The following AKR7A3 variants were observed in gnomAD, a reference collection of about 807,000 sequenced individuals.
AKR7A3 encodes the protein aldo-keto reductase family 7 member A3, also known as AFB1 aldehyde reductase 2.
Under a neutral mutation model 32.5 loss-of-function variants are expected in AKR7A3, and 37 were observed. The observed-to-expected ratio is 1.14, with a 90% CI of 0.88 to 1.50. AKR7A3 has a LOEUF of 1.50. AKR7A3 is among the 40% of genes most tolerant of loss of function. The pLI is 0.00. For synonymous variants in AKR7A3, 177 were observed against 188.4 expected, an observed-to-expected ratio of 0.94 and a Z score of 0.50; for missense variants, 412 against 453.2, an observed-to-expected ratio of 0.91 and a Z score of 0.83.
chr1:19,283,875 T>G, intron 6 of AKR7A3, 121 bp downstream of exon 6: 4 of 1,482,156 alleles, frequency 2.7e-6, no homozygotes, highest in Admixed American at 2.2e-5. Flanking sequence ...AGAATGTTTG[T>G]GAGAGTTGAA....
the AKR7A3 span, among the ~76,000 whole-genome samples, chr1:19,275,906 T>C: frequency 6.6e-6 from 1 of 151,908 alleles, no homozygotes; most frequent in Non-Finnish European, 1.5e-5. Flanking sequence ...ATCGTCAATG[T>C]ATATGCAAAT....
chr1:19,282,392 G>A (rs1211150657), downstream of AKR7A3, among the ~76,000 whole-genome samples: 33 of 151,612 alleles, frequency 2.2e-4, no homozygotes, highest in Admixed American at 1.4e-3. Context: ...ACACGCTGGC[G>A]CCGCTTCCCC....
At chr1:19,284,155 C>G in intron 5 of AKR7A3, 30 bp from the exon 6 acceptor site, 1 of 1,592,576 alleles carries the variant, frequency 6.3e-7, no homozygotes, top group Non-Finnish European at 8.6e-7. Flanking sequence ...GCACAGGTGT[C>G]AGGGCCACAT....
At chr1:19,285,462 C>T (rs932676003) in intron 3 of AKR7A3, among the ~76,000 whole-genome samples, 8 of 151,684 alleles carry the variant, frequency 5.3e-5, no homozygotes, top group African/African-American at 1.7e-4. Flanking sequence ...TGACCAGTGC[C>T]TGGCACCAAG....
downstream of AKR7A3, among the ~76,000 whole-genome samples, chr1:19,279,604 C>G (rs2151980191): frequency 6.6e-6 from 1 of 152,044 alleles, no homozygotes; most frequent in South Asian, 2.1e-4. Flanking sequence ...TGTCTTACTA[C>G]TCCCATCCTA....
intron 3 of AKR7A3, 60 bp from the exon 4 acceptor site, chr1:19,285,174 T>C: frequency 2.6e-6 from 4 of 1,519,488 alleles, no homozygotes; most frequent in Non-Finnish European, 2.7e-6. Flanking sequence ...GACTTCAAAA[T>C]TACCCTTCCA....
intron 4 of AKR7A3, 36 bp from the exon 5 acceptor site, chr1:19,284,821 G>GT: frequency 4.4e-6 from 7 of 1,607,994 alleles, no homozygotes; most frequent in Non-Finnish European, 5.1e-6. Flanking sequence ...GGGGCCTAGA[G>GT]TGCCCCAGAA....
downstream of AKR7A3, among the ~76,000 whole-genome samples, chr1:19,277,591 G>T (rs180967778): frequency 6.6e-6 from 1 of 151,510 alleles, no homozygotes; most frequent in African/African-American, 2.4e-5. Flanking sequence ...GTGCGATCTC[G>T]GCTCACTGCA....
At chr1:19,279,832 G>A (rs1381909511), downstream of AKR7A3, among the ~76,000 whole-genome samples, 3 of 151,746 alleles carry the variant, frequency 2.0e-5, no homozygotes, top group African/African-American at 4.9e-5. Context: ...TCCAACCCAC[G>A]ACCCGCAGGC....
At chr1:19,285,251 G>C (rs1242247062) in intron 3 of AKR7A3, 137 bp from the exon 4 acceptor site, 5 of 819,738 alleles carry the variant, frequency 6.1e-6, no homozygotes, top group Non-Finnish European at 9.7e-6. Context: ...TATTCTAACT[G>C]GTGCTGGTGA....
intron 4 of AKR7A3, 59 bp downstream of exon 4, chr1:19,284,959 G>A: frequency 1.9e-6 from 3 of 1,608,708 alleles, no homozygotes; most frequent in Non-Finnish European, 2.5e-6. Context: ...CCCAGGTCCT[G>A]GGCTGGGCAT....
At position 19,285,961 on chromosome 1, in the gene AKR7A3, T is replaced by C. The variant is rs746417833; in HGVS notation, c.434A>G (p.Tyr145Cys). The change falls in exon 3 of 7, where the codon TAT becomes TGT. Residue 145 changes from tyrosine (Y) to cysteine (C), a missense_variant. Transcript: ENST00000361640. The part of the protein sequence containing the change: ...GKFVELGLSN[Y>C]AAWEVAEICT... ...GATCTCGGCCACTTCCCAGGCTGCA[T>C]AGTTGGAGAGGCCAAGCTCCACGAA... The C allele has an allele frequency of 5.0e-6, 8 of 1,612,636 alleles. No homozygotes were observed. The Admixed American group carries it at 8.3e-5, about 17-fold the overall frequency.
At chr1:19,277,473 C>A in the AKR7A3 span, among the ~76,000 whole-genome samples, 10 of 151,614 alleles carry the variant, frequency 6.6e-5, no homozygotes, top group Non-Finnish European at 1.5e-4. Context: ...TTTATAGCAC[C>A]ACTTTGACAT....
chr1:19,278,714 C>A (rs2093714636), downstream of AKR7A3, among the ~76,000 whole-genome samples: 1 of 151,842 alleles, frequency 6.6e-6, no homozygotes, highest in African/African-American at 2.4e-5. Flanking sequence ...TTCAGAGCAT[C>A]CTCATAAGTG....
intron 6 of AKR7A3, among the ~76,000 whole-genome samples, chr1:19,283,604 C>T (rs1419467034): frequency 6.6e-6 from 1 of 151,984 alleles, no homozygotes; most frequent in Non-Finnish European, 1.5e-5. Flanking sequence ...CTGAGGAGGG[C>T]GAATTGTCTG....
downstream of AKR7A3, among the ~76,000 whole-genome samples, chr1:19,281,203 G>A (rs550919232): frequency 6.4e-4 from 97 of 151,668 alleles, 2 homozygotes; most frequent in South Asian, 4.2e-3. Context: ...CACCACGCCC[G>A]GCTATGTAGT....
rs1569659274 is a variant in AKR7A3, at chr1:19,287,453, C to T, written c.214+1043G>A. 7.2e-5 allele frequency among the ~76,000 whole-genome samples: 11 copies of T among 151,924 alleles called. No homozygotes were observed. In the South Asian group the frequency reaches 2.3e-3, roughly 32 times the overall value. ...GGTGAATCAGAGGAGAAATAAGACT[C>T]CACTCAGACACTCAGTGGAAGGAGG... On this transcript the variant is annotated intron_variant, in intron 1 of 6. Transcript: ENST00000361640.
chr1:19,277,564 C>T, the AKR7A3 span, among the ~76,000 whole-genome samples: 6 of 151,632 alleles, frequency 4.0e-5, no homozygotes, highest in African/African-American at 1.5e-4. Flanking sequence ...CTCTGTTGTA[C>T]AGGCTGGAGT....
At chr1:19,276,494 A>C in the AKR7A3 span, among the ~76,000 whole-genome samples, 1 of 151,652 alleles carries the variant, frequency 6.6e-6, no homozygotes, top group South Asian at 2.1e-4. Context: ...TTGAGGCATA[A>C]AACAAGTCTT....
Sources: gnomAD v4.1 joint callset for allele counts (sites outside exome capture counted in the v4.1 genomes callset) on GRCh38, gnomAD v4.1.1 for gene constraint, MANE v1.5 for transcripts, NCBI Gene and HGNC (gene_info 2026-07-23, HGNC 2026-07-21) for gene names.